XPNPEP1: variants seen among roughly 807,000 people sequenced by gnomAD.
The protein encoded by XPNPEP1 is xaa-Pro aminopeptidase 1.
In XPNPEP1, 39 loss-of-function variants were observed where a neutral mutation model predicts 92.4. The observed-to-expected ratio is 0.42, with a 90% CI of 0.33 to 0.55. XPNPEP1 has a LOEUF of 0.55. Among genes scored for constraint, XPNPEP1 ranks in the 20% least tolerant of loss-of-function variants. The pLI is 0.08. For synonymous variants in XPNPEP1, 307 were observed against 299.4 expected (o/e 1.03, Z -0.26); for missense variants, 654 against 856.1 (o/e 0.76, Z 2.95).
chr10:109,901,306 T>C (rs1018393152), intron 3 of XPNPEP1, among the ~76,000 whole-genome samples: 4 of 151,100 alleles, frequency 2.6e-5, no homozygotes, highest in African/African-American at 9.7e-5. Flanking sequence ...ATATACCTAA[T>C]GTAAATGATG....
At chr10:109,893,242 A>G in intron 3 of XPNPEP1, 167 bp from the exon 4 acceptor site, 1 of 565,798 alleles carries the variant, frequency 1.8e-6, no homozygotes, top group Non-Finnish European at 3.2e-6. Context: ...ATTAGCACAC[A>G]CTGCAGAAGA....
At chr10:109,882,258 CA>C (rs1424890453) in intron 10 of XPNPEP1, among the ~76,000 whole-genome samples, 173 bp downstream of exon 10, 3 of 152,172 alleles carry the variant, frequency 2.0e-5, no homozygotes, top group Non-Finnish European at 4.4e-5. Flanking sequence ...CAAGACTCAA[CA>C]AGCAATAAGG....
At chr10:109,883,963 T>A in intron 9 of XPNPEP1, 104 bp downstream of exon 9, 2 of 948,840 alleles carry the variant, frequency 2.1e-6, no homozygotes, top group Non-Finnish European at 3.1e-6. Context: ...AAGAAGCACA[T>A]CAGTGAAATA....
At chr10:109,888,422 C>A in intron 6 of XPNPEP1, 81 bp downstream of exon 6, 9 of 1,415,046 alleles carry the variant, frequency 6.4e-6, no homozygotes, top group Non-Finnish European at 8.7e-6. Flanking sequence ...GTGCTCCACA[C>A]CCCACAAGCA....
chr10:109,908,653 T>C (rs1359848271), intron 2 of XPNPEP1, among the ~76,000 whole-genome samples: 1 of 152,220 alleles, frequency 6.6e-6, no homozygotes, highest in African/African-American at 2.4e-5. Context: ...TAGATTGTTC[T>C]TATTTATTTA....
At chr10:109,873,876 A>G (rs1393008359) in intron 15 of XPNPEP1, among the ~76,000 whole-genome samples, 2 of 152,226 alleles carry the variant, frequency 1.3e-5, no homozygotes, top group Non-Finnish European at 2.9e-5. Context: ...GACAGAAGCC[A>G]GACACAGAAA....
At chr10:109,895,571 C>T (rs1490671892) in intron 3 of XPNPEP1, among the ~76,000 whole-genome samples, 2 of 152,248 alleles carry the variant, frequency 1.3e-5, no homozygotes, top group African/African-American at 4.8e-5. Context: ...CTCACCTCCA[C>T]ACTGACAGGC....
Position 109,886,280 on chromosome 10 carries a change from C to T in XPNPEP1, c.714G>A (p.Met238Ile), listed in dbSNP as rs150580047. Residue 238 changes from methionine to isoleucine, a missense_variant, in exon 8 of 21, where the codon ATG (methionine) becomes ATA (isoleucine). Physicochemically the swap from Met to Ile is conservative, Grantham distance 10 (BLOSUM62 1). Transcript: ENST00000502935. ...CATCCAAGGCAGTGACCACAAACCA[C>T]ATGACGTTCCTCTCAGCCATTTTCA... ...LRLKMAERNV[M>I]WFVVTALDEI... 1 of 1,614,242 alleles carries T rather than the reference C, an allele frequency of 6.2e-7. No individual in the cohort carries two copies. The highest frequency in any genetic ancestry group is 8.5e-7 in the Non-Finnish European group (1 of 1,180,042).
chr10:109,870,991 G>C, intron 17 of XPNPEP1, 87 bp from the exon 18 acceptor site: 1 of 1,452,346 alleles, frequency 6.9e-7, no homozygotes, highest in Non-Finnish European at 9.2e-7. Context: ...ACGTGAAACA[G>C]AAACCAATAG....
chr10:109,884,953 T>G (rs984964120), intron 8 of XPNPEP1, among the ~76,000 whole-genome samples: 1 of 152,238 alleles, frequency 6.6e-6, no homozygotes. Context: ...GGCACCATTT[T>G]TTACCTATCA....
intron 6 of XPNPEP1, 119 bp from the exon 7 acceptor site, chr10:109,888,311 G>A (rs781655694): frequency 2.1e-6 from 3 of 1,414,226 alleles, no homozygotes; most frequent in Non-Finnish European, 2.8e-6. Context: ...CCAGAGCTGG[G>A]TGTGCAGGAT....
intron 19 of XPNPEP1, 107 bp downstream of exon 19, chr10:109,869,846 G>T: frequency 8.5e-7 from 1 of 1,180,220 alleles, no homozygotes; most frequent in Non-Finnish European, 1.2e-6. Flanking sequence ...CTAAGAAACA[G>T]GAAAATTTTT....
At chr10:109,898,122 T>C (rs909738506) in intron 3 of XPNPEP1, among the ~76,000 whole-genome samples, 3 of 152,208 alleles carry the variant, frequency 2.0e-5, no homozygotes, top group South Asian at 2.1e-4. Context: ...AGCCACAGAA[T>C]AGACATCTCC....
chr10:109,918,605 C>A (rs908439696), intron 1 of XPNPEP1, among the ~76,000 whole-genome samples: 36 of 151,668 alleles, frequency 2.4e-4, no homozygotes, highest in Admixed American at 1.5e-3. Flanking sequence ...ACTAAAAATA[C>A]AAAAAATTAG....
At chr10:109,885,541 G>C (rs1279941104) in intron 8 of XPNPEP1, among the ~76,000 whole-genome samples, 2 of 152,198 alleles carry the variant, frequency 1.3e-5, no homozygotes, top group South Asian at 2.1e-4. Context: ...TGACACACTT[G>C]ACAATGTTTT....
intron 10 of XPNPEP1, 40 bp downstream of exon 10, chr10:109,882,392 G>A (rs751770669): frequency 1.9e-6 from 3 of 1,593,064 alleles, no homozygotes; most frequent in Non-Finnish European, 2.6e-6. Context: ...ACTGGGAAGG[G>A]GGTGGCAGAG....
intron 8 of XPNPEP1, 185 bp from the exon 9 acceptor site, chr10:109,884,333 C>T (rs953074501): frequency 9.2e-5 from 54 of 587,740 alleles, no homozygotes; most frequent in African/African-American, 2.3e-4. Flanking sequence ...TGCTCATGTC[C>T]ACCACGTGAT....
Position 109,891,786 on chromosome 10 carries a change from A to G in XPNPEP1, c.351T>C (p.Thr117=), listed in dbSNP as rs1397114669. The G allele has an allele frequency of 2.5e-6, 4 of 1,601,550 alleles. No individual in the cohort carries two copies. Among genetic ancestry groups the G allele is most frequent in the Admixed American group, 3.5e-5 (2 of 56,346 alleles). ...IITEEHAAMW[T]DGRYFLQAAK... is the part of the protein sequence containing the mutation. The stretch of plus-strand genomic sequence containing the variant: ...CAGCCTGGAGAAAGTAGCGCCCGTC[A>G]GTCCACATGGCTGCATGCTCTTCTG... The change falls in exon 5 of 21, where the codon ACT becomes ACC. Residue 117 remains threonine, a synonymous_variant. Coordinates refer to ENST00000502935, the MANE Select transcript of XPNPEP1 (RefSeq NM_020383.4).
chr10:109,917,864 A>C (rs1850276191), intron 1 of XPNPEP1, among the ~76,000 whole-genome samples: 1 of 152,216 alleles, frequency 6.6e-6, no homozygotes, highest in South Asian at 2.1e-4. Context: ...GGGAAGGAAT[A>C]GTCTCTTCCA....
Sources: gnomAD v4.1 joint callset for allele counts (sites outside exome capture counted in the v4.1 genomes callset) on GRCh38, gnomAD v4.1.1 for gene constraint, MANE v1.5 for transcripts, NCBI Gene and HGNC (gene_info 2026-07-23, HGNC 2026-07-21) for gene names.